Variants in PDE3B observed in about 807,000 individuals in gnomAD.
PDE3B encodes the protein phosphodiesterase 3B.
Under a neutral mutation model 116.8 loss-of-function variants are expected in PDE3B, and 66 were observed. That is an observed-to-expected ratio of 0.56 (90% CI 0.46 to 0.69). The LOEUF is 0.69. Among genes scored for constraint, PDE3B ranks in the 30% least tolerant of loss-of-function variants. PDE3B has a pLI of 0.00. For missense variants in PDE3B, 1,384 were observed against 1,368.1 expected (o/e 1.01, Z -0.18); for synonymous variants, 595 against 533.6 (o/e 1.12, Z -1.59).
chr11:14,730,065 A>G (rs1338210056), intron 1 of PDE3B, among the ~76,000 whole-genome samples: 1 of 152,172 alleles, frequency 6.6e-6, no homozygotes, highest in African/African-American at 2.4e-5. Context: ...GAATACATGC[A>G]TGGCTACCAC....
chr11:14,890,795 G>A, the PDE3B span: 1 of 865,272 alleles, frequency 1.2e-6, no homozygotes, highest in African/African-American at 1.8e-5. Flanking sequence ...TGATCCGCCC[G>A]CCTCGGCCTC....
chr11:14,660,879 CA>C (rs1443319818), intron 1 of PDE3B, among the ~76,000 whole-genome samples: 1 of 152,086 alleles, frequency 6.6e-6, no homozygotes, highest in Non-Finnish European at 1.5e-5. Context: ...TGACACTTCT[CA>C]AAAGAAGACA....
At chr11:14,814,633 C>A (rs1265677425) in intron 5 of PDE3B, among the ~76,000 whole-genome samples, 4 of 152,106 alleles carry the variant, frequency 2.6e-5, no homozygotes, top group Non-Finnish European at 4.4e-5. Context: ...ATAAATTTGA[C>A]TACATGAACA....
intron 1 of PDE3B, among the ~76,000 whole-genome samples, chr11:14,759,588 C>A (rs912903519): frequency 7.4e-6 from 1 of 134,754 alleles, no homozygotes; most frequent in Non-Finnish European, 1.5e-5. Context: ...CTTGCTTTGT[C>A]GCCTGGTTGG....
downstream of PDE3B, among the ~76,000 whole-genome samples, chr11:14,875,337 T>A (rs1437007122): frequency 6.6e-6 from 1 of 152,174 alleles, no homozygotes; most frequent in African/African-American, 2.4e-5. Flanking sequence ...TTTCAAAGTA[T>A]CTGATCCACT....
chr11:14,879,246 C>T, the PDE3B span: 2 of 1,613,252 alleles, frequency 1.2e-6, no homozygotes, highest in South Asian at 2.2e-5. Flanking sequence ...TTTGTAATTA[C>T]TGTTGTGCCT....
the PDE3B span, among the ~76,000 whole-genome samples, chr11:14,898,933 T>C: frequency 1.3e-5 from 2 of 152,160 alleles, no homozygotes; most frequent in Non-Finnish European, 2.9e-5. Context: ...TTTGTGGTAA[T>C]GATTGCTTAA....
the PDE3B span, chr11:14,878,082 C>A: frequency 1.2e-6 from 2 of 1,606,292 alleles, no homozygotes; most frequent in Non-Finnish European, 1.7e-6. Flanking sequence ...AGGGATAAGG[C>A]AAATATACAT....
chr11:14,716,941 A>G (rs1284204034), intron 1 of PDE3B, among the ~76,000 whole-genome samples: 1 of 5,132 alleles, frequency 1.9e-4, no homozygotes, highest in African/African-American at 8.9e-4. Flanking sequence ...ACGAGCTGAG[A>G]GAAGAAGGTT....
intron 2 of PDE3B, chr11:14,776,784 TATGCC>T (rs1857800305): frequency 6.6e-6 from 1 of 152,060 alleles, no homozygotes; most frequent in African/African-American, 2.4e-5. Flanking sequence ...TAAATGGGGA[TATGCC>T]TTCTAATGGC....
intron 1 of PDE3B, among the ~76,000 whole-genome samples, chr11:14,667,957 G>A (rs908130871): frequency 6.6e-6 from 1 of 151,554 alleles, no homozygotes; most frequent in Admixed American, 6.6e-5. Flanking sequence ...CACTGACTTT[G>A]CTGAAGTATT....
At chr11:14,743,168 G>GC (rs577972838) in intron 1 of PDE3B, among the ~76,000 whole-genome samples, 178 of 152,246 alleles carry the variant, frequency 1.2e-3, no homozygotes, top group African/African-American at 4.1e-3. Flanking sequence ...ACCCACAGCT[G>GC]CCCCTTCCCC....
intron 5 of PDE3B, among the ~76,000 whole-genome samples, chr11:14,812,703 T>C (rs1859183894): frequency 6.6e-6 from 1 of 152,210 alleles, no homozygotes; most frequent in Admixed American, 6.5e-5. Context: ...ACAAATAAAA[T>C]TGTAGGTCCA....
chr11:14,885,960 A>G, the PDE3B span: 3 of 1,585,920 alleles, frequency 1.9e-6, no homozygotes, highest in African/African-American at 4.0e-5. Context: ...GACAGCATGT[A>G]TGGAGAAATA....
chr11:14,750,820 A>T (rs752409561), intron 1 of PDE3B, among the ~76,000 whole-genome samples: 7 of 152,190 alleles, frequency 4.6e-5, no homozygotes, highest in Non-Finnish European at 8.8e-5. Context: ...ATTAACACTG[A>T]CATAGGAGTA....
At position 14,804,929 on chromosome 11, in the gene PDE3B, A is replaced by G. The variant is rs906856405; in HGVS notation, c.1522+879A>G. Among the ~76,000 whole-genome samples the G allele has an allele frequency of 7.2e-5, 11 of 152,302 alleles. No homozygotes were observed. The South Asian group carries it at 8.3e-4, about 11-fold the overall frequency. ...AATGGATTGGATACAACAGAATACA[A>G]AAGTAGTGAACTTGAAGACAGAGAA... On this transcript the variant is annotated intron_variant, in intron 5 of 15. Transcript: ENST00000282096.
intron 1 of PDE3B, among the ~76,000 whole-genome samples, chr11:14,670,277 G>A (rs1854323943): frequency 6.6e-6 from 1 of 152,152 alleles, no homozygotes. Flanking sequence ...AATAGGTACA[G>A]TCATAATAGT....
At chr11:14,890,840 G>A in the PDE3B span, 19 of 984,450 alleles carry the variant, frequency 1.9e-5, no homozygotes, top group Non-Finnish European at 2.3e-5. Context: ...GAGCCACCGC[G>A]CCCGGGCACC....
rs575654677 is a variant in PDE3B, at chr11:14,802,329, A to G, written c.1416-1615A>G. Among the ~76,000 whole-genome samples the G allele has an allele frequency of 5.9e-5, 9 of 152,244 alleles. No homozygotes were observed. In the East Asian group the frequency reaches 1.4e-3, roughly 23 times the overall value. On this transcript the variant is annotated intron_variant, in intron 4 of 15. Transcript: ENST00000282096. The stretch of plus-strand genomic sequence containing the variant: ...GTCTGTGGATTGCGAAGACTGGGAA[A>G]AGCGTAGTATCTGGGCTGGAATGCA...
Sources: allele counts gnomAD v4.1 joint callset (sites outside exome capture counted in the v4.1 genomes callset), GRCh38; gene constraint gnomAD v4.1.1; transcripts MANE v1.5; gene names NCBI Gene and HGNC (gene_info 2026-07-23, HGNC 2026-07-21).